The following AGO4 variants were observed in gnomAD, a reference collection of about 807,000 sequenced individuals.
The protein encoded by AGO4 is argonaute RISC component 4.
AGO4 carries 33 observed loss-of-function variants against 104.7 expected under a neutral mutation model. That is an observed-to-expected ratio of 0.32 (90% CI 0.24 to 0.42). The LOEUF is 0.42. AGO4 is among the 10% of genes least tolerant of loss of function. AGO4 has a pLI of 1.00. For synonymous variants in AGO4, 331 were observed against 364.7 expected (o/e 0.91, Z 1.05); for missense variants, 711 against 1,083.4 (o/e 0.66, Z 4.83).
At chr1:35,818,994 A>C (rs930890833) in intron 2 of AGO4, among the ~76,000 whole-genome samples, 1 of 152,200 alleles carries the variant, frequency 6.6e-6, no homozygotes, top group Non-Finnish European at 1.5e-5. Flanking sequence ...ATTAAGAGGC[A>C]CTTGGAATGA....
At position 35,841,777 on chromosome 1, in the gene AGO4, T is replaced by C; in HGVS notation, c.2175+27T>C. The C allele has an allele frequency of 6.2e-7, 1 of 1,604,342 alleles. No homozygotes were observed. ...TAAGAAGATATAATATAAGCTTTGT[T>C]ATCTGAGGCTCTGGCAAGAGATGTA... On this transcript the variant is annotated intron_variant, in intron 15 of 17. Coordinates refer to ENST00000373210, the MANE Select transcript of AGO4 (RefSeq NM_017629.4). This position sits in a 1 kb window ranked among gnomAD's most constrained non-coding sequence, Gnocchi z 4.7.
intron 7 of AGO4, among the ~76,000 whole-genome samples, chr1:35,829,950 A>G (rs1370551627): frequency 6.6e-6 from 1 of 151,308 alleles, no homozygotes; most frequent in Non-Finnish European, 1.5e-5. Flanking sequence ...CCTTGAGCCC[A>G]GGAGTTCGAG....
In AGO4 at chr1:35,850,958, G is replaced by A; in HGVS notation, c.2382G>A (p.Arg794=). The A allele has an allele frequency of 6.2e-7, 1 of 1,614,132 alleles. No individual in the cohort carries two copies. The highest frequency in any genetic ancestry group is 8.5e-7 in the Non-Finnish European group (1 of 1,180,018). ...LTYQLCHTYV[R]CTRSVSIPAP... ...ACCAGCTGTGTCACACCTATGTGAG[G>A]TGCACTCGCTCAGTCTCTATTCCAG... is the stretch of plus-strand genomic sequence containing the variant. Residue 794 remains arginine, a synonymous_variant, in exon 17 of 18, where the codon AGG becomes AGA. Transcript: ENST00000373210.
At chr1:35,849,891 ATGT>A (rs1220637065) in intron 15 of AGO4, among the ~76,000 whole-genome samples, 2 of 152,108 alleles carry the variant, frequency 1.3e-5, no homozygotes, top group East Asian at 1.9e-4. Flanking sequence ...ATACATAATA[ATGT>A]TGTAGCCCAA....
At chr1:35,827,764 CTTT>C (rs1448574863) in intron 7 of AGO4, among the ~76,000 whole-genome samples, 2 of 140,884 alleles carry the variant, frequency 1.4e-5, no homozygotes, top group Non-Finnish European at 3.1e-5. Flanking sequence ...TCATTATAAG[CTTT>C]TTTTTATTAT....
chr1:35,807,661 G>C (rs778807479), upstream of AGO4, among the ~76,000 whole-genome samples: 5 of 152,194 alleles, frequency 3.3e-5, no homozygotes, highest in Admixed American at 6.5e-5. Flanking sequence ...TATACGGAGA[G>C]GGACGCGCAG....
chr1:35,826,610 A>G (rs536219783), intron 6 of AGO4, 138 bp from the exon 7 acceptor site: 13 of 765,462 alleles, frequency 1.7e-5, no homozygotes, highest in South Asian at 1.7e-4. Flanking sequence ...TTTTTTGCCT[A>G]TAACGATGAA....
chr1:35,835,181 C>A (rs1000757919), intron 12 of AGO4, among the ~76,000 whole-genome samples: 1 of 151,660 alleles, frequency 6.6e-6, no homozygotes, highest in Non-Finnish European at 1.5e-5. Context: ...CTCAGCCCCC[C>A]CAAGTACTGG....
chr1:35,845,195 AC>A (rs1298132258), intron 15 of AGO4, among the ~76,000 whole-genome samples: 1 of 14,218 alleles, frequency 7.0e-5, no homozygotes, highest in Non-Finnish European at 1.2e-4. Flanking sequence ...CTGTAATCAG[AC>A]TTTTTTTTTT....
chr1:35,831,287 G>C, intron 7 of AGO4, 140 bp from the exon 8 acceptor site: 1 of 787,782 alleles, frequency 1.3e-6, no homozygotes, highest in Non-Finnish European at 1.9e-6. Flanking sequence ...CATTGAACCC[G>C]GGAGGCGGAG....
chr1:35,855,177 G>A lies in AGO4; in HGVS notation c.*1572G>A, dbSNP rs983058532. 6.6e-6 allele frequency: 1 copy of A among 152,522 alleles called. No homozygotes were observed. The highest frequency in any genetic ancestry group is 6.6e-5 in the Admixed American group (1 of 15,264). 9.4% of individuals were successfully genotyped at this position (152,522 alleles called of 1,614,324 possible). A position where few individuals can be genotyped will look rare whatever the true frequency, so the allele number is the denominator to read the frequency against. On this transcript the variant is annotated 3_prime_UTR_variant, in exon 18 of 18. Transcript: ENST00000373210. ...CTCTATCCAGGACATCAGGAGTGAG[G>A]GATGGAAAAGGGGATAAAAGGCCTG...
chr1:35,817,602 G>C (rs1643753689), intron 2 of AGO4, among the ~76,000 whole-genome samples: 1 of 152,124 alleles, frequency 6.6e-6, no homozygotes, highest in African/African-American at 2.4e-5. Context: ...AATTTACCTG[G>C]TGTGAAGACA....
chr1:35,825,851 G>T, intron 5 of AGO4, 36 bp downstream of exon 5: 1 of 1,593,622 alleles, frequency 6.3e-7, no homozygotes, highest in Non-Finnish European at 8.5e-7. Context: ...TAACTCTTTG[G>T]GCTGGTTTTT....
chr1:35,831,159 C>T (rs1038200080), intron 7 of AGO4, among the ~76,000 whole-genome samples: 1 of 151,664 alleles, frequency 6.6e-6, no homozygotes, highest in Non-Finnish European at 1.5e-5. Context: ...GTCAGGAGTT[C>T]GAGACCAGCC....
At position 35,848,159 on chromosome 1, in the gene AGO4, T is replaced by A. The variant is rs188461045; in HGVS notation, c.2176-1998T>A. Among the ~76,000 whole-genome samples the A allele has an allele frequency of 2.0e-5, 3 of 152,350 alleles. No homozygotes were observed. The East Asian group carries it at 5.8e-4, about 29-fold the overall frequency. On this transcript the variant is annotated intron_variant, in intron 15 of 17. Transcript: ENST00000373210. ...CTACAGTTTTGCTTTTTCCAGCACA[T>A]CATATAAATAGAATCATAGCCCTTG...
At chr1:35,816,798 CAAAAAAAAAA>C (rs72065876) in intron 1 of AGO4, 74 bp from the exon 2 acceptor site, 10 of 1,038,176 alleles carry the variant, frequency 9.6e-6, no homozygotes, top group African/African-American at 2.2e-5. Flanking sequence ...AACTCTGTCT[CAAAAAAAAAA>C]AAAAAAAAAA....
Position 35,856,607 on chromosome 1 carries a change from G to C in AGO4, c.*3002G>C, listed in dbSNP as rs1318867691. 6.6e-6 allele frequency: 1 copy of C among 152,226 alleles called. No homozygotes were observed. Among genetic ancestry groups the C allele is most frequent in the Non-Finnish European group, 1.5e-5 (1 of 68,092 alleles). 9.4% of individuals were successfully genotyped at this position (152,226 alleles called of 1,614,324 possible). A position where few individuals can be genotyped will look rare whatever the true frequency, so the allele number is the denominator to read the frequency against. On this transcript the variant is annotated 3_prime_UTR_variant, in exon 18 of 18. Transcript: ENST00000373210. ...GCACTTTGGGAGGCCTAGGTGGGCG[G>C]ATCAGCTGAGGTCGAGAGTTCGAGG...
At chr1:35,853,444 GT>G in intron 17 of AGO4, 52 bp from the exon 18 acceptor site, 1 of 1,528,882 alleles carries the variant, frequency 6.5e-7, no homozygotes, top group Non-Finnish European at 8.8e-7. Context: ...GTTGTTTTTG[GT>G]TTTTTGTTTG....
chr1:35,816,798 C>CAAAA lies in AGO4; in HGVS notation c.20-64_20-61dup, dbSNP rs72065876. On this transcript the variant is annotated intron_variant, in intron 1 of 17. Transcript: ENST00000373210. ...TGGGTGAAAGAGCGAAACTCTGTCT[C>CAAAA]AAAAAAAAAAAAAAAAAAAAAAAGA... 51 of 1,040,772 alleles carry CAAAA rather than the reference C, an allele frequency of 4.9e-5. No homozygotes were observed. The African/African-American group carries it at 7.1e-4, about 14-fold the overall frequency. The allele number at this position is 1,040,772 out of a possible 1,614,324, so 64.5% of individuals were successfully genotyped here.
Sources: gnomAD v4.1 joint callset for allele counts (sites outside exome capture counted in the v4.1 genomes callset) on GRCh38, gnomAD v4.1.1 for gene constraint, Gnocchi (gnomAD v3.1) non-coding constraint, MANE v1.5 for transcripts, NCBI Gene and HGNC (gene_info 2026-07-23, HGNC 2026-07-21) for gene names.